Variants in DNER observed in about 807,000 individuals in gnomAD.
DNER encodes delta/notch like EGF repeat containing, also known as delta and Notch-like epidermal growth factor-related receptor.
In DNER, 33 loss-of-function variants were observed where a neutral mutation model predicts 78.2. The observed-to-expected ratio is 0.42, with a 90% CI of 0.32 to 0.56. The LOEUF is 0.56. Ranked by LOEUF, DNER falls within the 20% of genes least tolerant of loss-of-function variation. DNER has a pLI of 0.11. For missense variants in DNER, 918 were observed against 975.3 expected (o/e 0.94, Z 0.78); for synonymous variants, 417 against 384.8 (o/e 1.08, Z -0.98).
At chr2:229,405,698 C>T (rs1384239871) in intron 10 of DNER, among the ~76,000 whole-genome samples, 1 of 152,108 alleles carries the variant, frequency 6.6e-6, no homozygotes, top group Non-Finnish European at 1.5e-5. Flanking sequence ...TATGCATATA[C>T]ACTATACACT....
chr2:229,520,804 C>A (rs543918925), intron 5 of DNER, among the ~76,000 whole-genome samples: 1 of 152,310 alleles, frequency 6.6e-6, no homozygotes, highest in Admixed American at 6.5e-5. Context: ...TGAAGTCCCA[C>A]TCCAGAGATT....
chr2:229,375,854 T>C (rs1359619097), intron 11 of DNER, among the ~76,000 whole-genome samples: 1 of 152,190 alleles, frequency 6.6e-6, no homozygotes, highest in African/African-American at 2.4e-5. Context: ...TCATCTTGAA[T>C]TGTAATCCCC....
Position 229,683,037 on chromosome 2 carries a change from C to T in DNER, c.276+31111G>A, listed in dbSNP as rs767892622. 2.0e-5 allele frequency among the ~76,000 whole-genome samples: 3 copies of T among 152,152 alleles called. No individual in the cohort carries two copies. In the East Asian group the frequency reaches 5.8e-4, roughly 29 times the overall value. ...TTTTGTAAGATAGTTAATTATTTAACATATTAATTATAATTTAATAGCATA... is the reference window on the plus strand; with the variant it reads ...TTTTGTAAGATAGTTAATTATTTAATATATTAATTATAATTTAATAGCATA... On this transcript the variant is annotated intron_variant, in intron 1 of 12. Transcript: ENST00000341772.
intron 6 of DNER, among the ~76,000 whole-genome samples, chr2:229,489,033 C>T (rs1032162258): frequency 2.0e-5 from 3 of 152,222 alleles, no homozygotes; most frequent in Non-Finnish European, 4.4e-5. Context: ...ACAGCTGAGA[C>T]CCAGGAAGAT....
At position 229,398,994 on chromosome 2, in the gene DNER, C is replaced by T. The variant is rs373708302; in HGVS notation, c.1723+8238G>A. 5.3e-5 allele frequency among the ~76,000 whole-genome samples: 8 copies of T among 152,090 alleles called. No homozygotes were observed. The East Asian group carries it at 1.2e-3, about 22-fold the overall frequency. On this transcript the variant is annotated intron_variant, in intron 10 of 12. Coordinates refer to ENST00000341772, the MANE Select transcript of DNER (RefSeq NM_139072.4). Reference sequence around the variant, plus strand: ...ATCATTAATGGTGAAAGACTGAATGCTTTTCCCCTAATGTTGAAAACAAAG... The same window carrying T: ...ATCATTAATGGTGAAAGACTGAATGTTTTTCCCCTAATGTTGAAAACAAAG...
chr2:229,440,364 C>T (rs928519958), intron 8 of DNER, among the ~76,000 whole-genome samples: 4 of 152,278 alleles, frequency 2.6e-5, no homozygotes, highest in South Asian at 2.1e-4. Context: ...CAGCTCCTCA[C>T]GCCCTGGGCA....
intron 6 of DNER, among the ~76,000 whole-genome samples, chr2:229,504,275 A>G (rs1405005239): frequency 6.6e-6 from 1 of 152,082 alleles, no homozygotes; most frequent in Non-Finnish European, 1.5e-5. Context: ...GCTGGAGTGC[A>G]GTGGTGTGAT....
At position 229,491,679 on chromosome 2, in the gene DNER, C is replaced by G. The variant is rs150122166; in HGVS notation, c.1148-14426G>C. Among the ~76,000 whole-genome samples the G allele has an allele frequency of 5.2e-3, 794 of 152,228 alleles. 13 individuals are homozygous for G. Among genetic ancestry groups the G allele is most frequent in the African/African-American group, 0.014 (580 of 41,530 alleles). ...ATCCTATTCCCATTTTTCTTCATCCCTTTACCCTGTTTTATTTTTTCTTCA... is the reference window on the plus strand; with the variant it reads ...ATCCTATTCCCATTTTTCTTCATCCGTTTACCCTGTTTTATTTTTTCTTCA... On this transcript the variant is annotated intron_variant, in intron 6 of 12. Transcript: ENST00000341772.
intron 1 of DNER, among the ~76,000 whole-genome samples, chr2:229,700,448 G>A (rs889364638): frequency 4.0e-5 from 6 of 150,996 alleles, no homozygotes; most frequent in African/African-American, 1.5e-4. Flanking sequence ...CAATTCTCCC[G>A]CCTCAGCTTC....
At chr2:229,567,832 C>T (rs1237501399) in intron 4 of DNER, among the ~76,000 whole-genome samples, 1 of 152,174 alleles carries the variant, frequency 6.6e-6, no homozygotes. Flanking sequence ...AAAAGAGTCT[C>T]CCTTATCTGT....
intron 7 of DNER, among the ~76,000 whole-genome samples, chr2:229,456,243 T>C (rs533837372): frequency 6.6e-6 from 1 of 151,188 alleles, no homozygotes; most frequent in South Asian, 2.1e-4. Context: ...ATGCAGGAGG[T>C]GCCACACACT....
chr2:229,451,273 G>A (rs866385935), intron 7 of DNER, among the ~76,000 whole-genome samples: 16 of 152,072 alleles, frequency 1.1e-4, no homozygotes, highest in African/African-American at 3.1e-4. Context: ...CCTGGCCAAC[G>A]TGGTGAAATC....
chr2:229,712,457 T>C (rs1699926118), intron 1 of DNER, among the ~76,000 whole-genome samples: 1 of 152,228 alleles, frequency 6.6e-6, no homozygotes, highest in African/African-American at 2.4e-5. Flanking sequence ...CGATGGGCAC[T>C]CTAACCTACC....
At chr2:229,502,229 T>G (rs113628758) in intron 6 of DNER, among the ~76,000 whole-genome samples, 1 of 152,106 alleles carries the variant, frequency 6.6e-6, no homozygotes, top group Non-Finnish European at 1.5e-5. Context: ...TCAGTGCCCA[T>G]CAGAAGAACT....
chr2:229,641,993 G>A (rs918352169), intron 1 of DNER, among the ~76,000 whole-genome samples: 6 of 152,164 alleles, frequency 3.9e-5, no homozygotes, highest in African/African-American at 1.4e-4. Context: ...AGTAATCAGA[G>A]AAGGGAGAAA....
Position 229,536,885 on chromosome 2 carries a change from T to C in DNER, c.993+10062A>G, listed in dbSNP as rs1040450755. ...CCCATGGGAATTCTCTTTCCCCAAA[T>C]TACTGATTTCACCTGTACCCTCATT... On this transcript the variant is annotated intron_variant, in intron 5 of 12. Transcript: ENST00000341772. Among the ~76,000 whole-genome samples the C allele has an allele frequency of 7.9e-5, 12 of 152,276 alleles. No individual in the cohort carries two copies. In the East Asian group the frequency reaches 2.1e-3, roughly 27 times the overall value.
chr2:229,711,838 C>T (rs1699917390), intron 1 of DNER, among the ~76,000 whole-genome samples: 2 of 152,040 alleles, frequency 1.3e-5, no homozygotes, highest in Admixed American at 1.3e-4. Context: ...GTTTCTCTCT[C>T]CCTCTCTCCC....
chr2:229,562,356 G>A lies in DNER; in HGVS notation c.848-15264C>T, dbSNP rs116475430. ...AGCTGAGTAGTCATCAAGGTGGCTC[G>A]CTTTATATTGAATAGGGAGGAGTGG... is the stretch of plus-strand genomic sequence containing the variant. On this transcript the variant is annotated intron_variant, in intron 4 of 12. Coordinates refer to ENST00000341772, the MANE Select transcript of DNER (RefSeq NM_139072.4). 7.0e-3 allele frequency among the ~76,000 whole-genome samples: 1,072 copies of A among 152,226 alleles called. 4 individuals carry two copies. The highest frequency in any genetic ancestry group is 0.014 in the Middle Eastern group (4 of 294).
intron 6 of DNER, among the ~76,000 whole-genome samples, chr2:229,505,219 T>TGTGTG (rs56268741): frequency 2.2e-4 from 33 of 149,354 alleles, no homozygotes; most frequent in South Asian, 4.3e-4. Flanking sequence ...TGTGTGTGTG[T>TGTGTG]TGGCTACAAT....
Sources: gnomAD v4.1 joint callset for allele counts (sites outside exome capture counted in the v4.1 genomes callset) on GRCh38, gnomAD v4.1.1 for gene constraint, MANE v1.5 for transcripts, NCBI Gene and HGNC (gene_info 2026-07-23, HGNC 2026-07-21) for gene names.